The following PTPRJ variants were observed in gnomAD, a reference collection of about 807,000 sequenced individuals.
The protein encoded by PTPRJ is receptor-type tyrosine-protein phosphatase eta.
Under a neutral mutation model 141.3 loss-of-function variants are expected in PTPRJ, and 129 were observed. That is an observed-to-expected ratio of 0.91 (90% CI 0.79 to 1.06). The LOEUF (loss-of-function observed/expected upper bound fraction) is 1.06. Ranked by LOEUF, PTPRJ falls within the 50% of genes least tolerant of loss-of-function variation. PTPRJ has a pLI of 0.00. For synonymous variants in PTPRJ, 610 were observed against 640.5 expected, an observed-to-expected ratio of 0.95 and a Z score of 0.72; for missense variants, 1,601 against 1,679.7, an observed-to-expected ratio of 0.95 and a Z score of 0.82.
intron 1 of PTPRJ, chr11:48,044,976 A>G (rs1304040561): frequency 6.6e-6 from 1 of 151,946 alleles, no homozygotes; most frequent in African/African-American, 2.4e-5. Flanking sequence ...TCTCTTTGCC[A>G]CTCCCTTTTT....
At position 47,980,566 on chromosome 11, in the gene PTPRJ, G is replaced by C. The variant is rs1341651348; in HGVS notation, c.-347G>C. ...GCCGCGGCTCCCTGCAGCAGCCCCAGCCGCATGACGCGCGGAGGAGGCAGC... is the reference window on the plus strand; with the variant it reads ...GCCGCGGCTCCCTGCAGCAGCCCCACCCGCATGACGCGCGGAGGAGGCAGC... On this transcript the variant is annotated 5_prime_UTR_variant, in exon 1 of 25. Coordinates refer to ENST00000418331, the MANE Select transcript of PTPRJ (RefSeq NM_002843.4). 1 of 982,860 alleles carries C rather than the reference G, an allele frequency of 1.0e-6. No homozygotes were observed. Among genetic ancestry groups the C allele is most frequent in the Non-Finnish European group, 1.2e-6 (1 of 828,958 alleles). The allele number at this position is 982,860 out of a possible 1,614,324, so 60.9% of individuals were successfully genotyped here.
At chr11:48,027,393 C>A (rs183083822) in intron 1 of PTPRJ, among the ~76,000 whole-genome samples, 12 of 152,050 alleles carry the variant, frequency 7.9e-5, no homozygotes, top group Admixed American at 3.3e-4. Context: ...GGAGGGCCAT[C>A]ATGCAAGATG....
At chr11:48,114,793 CTT>C (rs1188519241) in intron 3 of PTPRJ, among the ~76,000 whole-genome samples, 1 of 152,062 alleles carries the variant, frequency 6.6e-6, no homozygotes, top group African/African-American at 2.4e-5. Flanking sequence ...GCCTAGCAAA[CTT>C]TAAGAAAATA....
chr11:48,119,055 A>G (rs895303974), intron 3 of PTPRJ, among the ~76,000 whole-genome samples: 2 of 149,456 alleles, frequency 1.3e-5, no homozygotes, highest in Non-Finnish European at 3.0e-5. Flanking sequence ...TAATGGTGCC[A>G]TACCTTTCTC....
At chr11:48,153,957 G>T in intron 19 of PTPRJ, 71 bp downstream of exon 19, 3 of 1,068,436 alleles carry the variant, frequency 2.8e-6, no homozygotes, top group Non-Finnish European at 4.3e-6. Flanking sequence ...GTGTAGAGGG[G>T]AGGGAATCAG....
chr11:48,166,930 C>T (rs1447730028), intron 24 of PTPRJ, among the ~76,000 whole-genome samples: 1 of 152,196 alleles, frequency 6.6e-6, no homozygotes, highest in Non-Finnish European at 1.5e-5. Flanking sequence ...TTCCTTTGCC[C>T]TTCCCTGAGA....
At chr11:48,128,978 C>T (rs1484433486) in intron 7 of PTPRJ, among the ~76,000 whole-genome samples, 2 of 152,152 alleles carry the variant, frequency 1.3e-5, no homozygotes, top group African/African-American at 2.4e-5. Flanking sequence ...TAGGTTCAGC[C>T]ACGAATAACA....
chr11:48,135,670 T>C (rs1324092262), intron 8 of PTPRJ, among the ~76,000 whole-genome samples: 1 of 152,028 alleles, frequency 6.6e-6, no homozygotes, highest in Non-Finnish European at 1.5e-5. Flanking sequence ...TTAGTAGAGA[T>C]GGGTTTTCAC....
chr11:48,088,882 C>A (rs1855784808), intron 1 of PTPRJ, among the ~76,000 whole-genome samples: 1 of 152,140 alleles, frequency 6.6e-6, no homozygotes, highest in African/African-American at 2.4e-5. Context: ...CCCTGCTGTG[C>A]CACATTAAGG....
chr11:48,111,506 A>G lies in PTPRJ; in HGVS notation c.116-1241A>G, dbSNP rs1436814972. Among the ~76,000 whole-genome samples, 4 of 152,142 alleles carry G rather than the reference A, an allele frequency of 2.6e-5. No homozygotes were observed. The East Asian group carries it at 7.7e-4, about 29-fold the overall frequency. On this transcript the variant is annotated intron_variant, in intron 2 of 24. Coordinates refer to ENST00000418331, the MANE Select transcript of PTPRJ (RefSeq NM_002843.4). The stretch of plus-strand genomic sequence containing the variant: ...TCTTGCTGAAATCTTCTAATAAAGC[A>G]AATCTCAATTAATAATGGTAATTAG...
intron 3 of PTPRJ, among the ~76,000 whole-genome samples, chr11:48,116,273 A>C (rs896669358): frequency 1.3e-5 from 2 of 152,218 alleles, no homozygotes; most frequent in African/African-American, 2.4e-5. Flanking sequence ...AGGAGTAGCT[A>C]TACTTATGTC....
At chr11:48,052,810 T>G (rs1422689524) in intron 1 of PTPRJ, among the ~76,000 whole-genome samples, 1 of 151,864 alleles carries the variant, frequency 6.6e-6, no homozygotes, top group Non-Finnish European at 1.5e-5. Flanking sequence ...AATCTTACAG[T>G]GCAATAAACA....
At chr11:47,991,767 A>T (rs1455401611) in intron 1 of PTPRJ, among the ~76,000 whole-genome samples, 1 of 152,118 alleles carries the variant, frequency 6.6e-6, no homozygotes, top group Non-Finnish European at 1.5e-5. Flanking sequence ...CCTTGGGCCT[A>T]TCCTTCTAAT....
chr11:47,980,683 C>T lies in PTPRJ; in HGVS notation c.-230C>T, dbSNP rs1185859700. 1 of 989,076 alleles carries T rather than the reference C, an allele frequency of 1.0e-6. No individual in the cohort carries two copies. The highest frequency in any genetic ancestry group is 4.7e-5 in the South Asian group (1 of 21,368). 61.3% of individuals were successfully genotyped at this position (989,076 alleles called of 1,614,324 possible). A position where few individuals can be genotyped will look rare whatever the true frequency, so the allele number is the denominator to read the frequency against. On this transcript the variant is annotated 5_prime_UTR_variant, in exon 1 of 25. It adds an upstream start codon to the 5' untranslated region. Coordinates refer to ENST00000418331, the MANE Select transcript of PTPRJ (RefSeq NM_002843.4). ...CGCGAAGCCCCTGCGCGCTCAGGGA[C>T]GCGGCCCCCCCGCGGCAGCCGCGCT...
chr11:48,032,906 A>G (rs1316653854), intron 1 of PTPRJ, among the ~76,000 whole-genome samples: 3 of 152,168 alleles, frequency 2.0e-5, no homozygotes, highest in Admixed American at 6.5e-5. Flanking sequence ...CGTTTGGTGG[A>G]AGAGAGACAA....
chr11:48,151,196 A>C (rs1041517845), intron 18 of PTPRJ, among the ~76,000 whole-genome samples: 94 of 152,020 alleles, frequency 6.2e-4, no homozygotes, highest in African/African-American at 2.2e-3. Context: ...GTCCCAAATT[A>C]AGGTGTGGGC....
chr11:48,117,850 G>A (rs1014196315), intron 3 of PTPRJ, among the ~76,000 whole-genome samples: 24 of 151,874 alleles, frequency 1.6e-4, no homozygotes, highest in Admixed American at 1.3e-3. Flanking sequence ...AAAAAGAGAC[G>A]CTACTCAAAT....
intron 1 of PTPRJ, among the ~76,000 whole-genome samples, chr11:48,034,329 G>A (rs887480060): frequency 1.3e-5 from 2 of 151,868 alleles, no homozygotes; most frequent in Non-Finnish European, 2.9e-5. Flanking sequence ...AAACCTTTAA[G>A]AAAGGAGGGC....
chr11:48,079,853 T>C (rs963888206), intron 1 of PTPRJ, among the ~76,000 whole-genome samples: 2 of 152,118 alleles, frequency 1.3e-5, no homozygotes, highest in Admixed American at 1.3e-4. Context: ...GGGTTGGGGC[T>C]GGGGAGAGTG....
Sources: allele counts gnomAD v4.1 joint callset (sites outside exome capture counted in the v4.1 genomes callset), GRCh38; gene constraint gnomAD v4.1.1; transcripts MANE v1.5; gene names NCBI Gene and HGNC (gene_info 2026-07-23, HGNC 2026-07-21).